The following LRRC7 variants were observed in gnomAD, a reference collection of about 807,000 sequenced individuals.
The protein encoded by LRRC7 is leucine rich repeat containing 7, also known as leucine-rich repeat-containing protein 7.
A neutral mutation model predicts 175.7 loss-of-function variants in LRRC7; 23 were observed. The ratio of observed to expected loss-of-function variants is 0.13; its 90% CI spans 0.09 to 0.19. LRRC7 has a LOEUF of 0.19. Among genes scored for constraint, LRRC7 ranks in the 10% least tolerant of loss-of-function variants. The pLI, the probability that LRRC7 is intolerant of heterozygous loss-of-function variation, is 1.00. For synonymous variants in LRRC7, 685 were observed against 680.9 expected (o/e 1.01, Z -0.09); for missense variants, 1,354 against 1,904.7 (o/e 0.71, Z 5.38).
At chr1:69,836,336 G>A (rs1247564570) in intron 6 of LRRC7, among the ~76,000 whole-genome samples, 2 of 151,988 alleles carry the variant, frequency 1.3e-5, no homozygotes, top group Non-Finnish European at 2.9e-5. Context: ...GAATGAATTG[G>A]CATTTCATCA....
At chr1:70,096,071 G>A (rs1449676831) in intron 25 of LRRC7, among the ~76,000 whole-genome samples, 3 of 151,660 alleles carry the variant, frequency 2.0e-5, no homozygotes, top group African/African-American at 4.8e-5. Context: ...TCTGCCTCCC[G>A]GGTTCAAGCG....
At chr1:69,783,560 C>A (rs1216378696) in intron 3 of LRRC7, among the ~76,000 whole-genome samples, 3 of 151,848 alleles carry the variant, frequency 2.0e-5, no homozygotes, top group African/African-American at 4.8e-5. Flanking sequence ...AGTTCAAGAG[C>A]AGCAACATGG....
In LRRC7 at chr1:70,038,597, C is replaced by T. The variant is rs768795497; in HGVS notation, c.2773C>T (p.Pro925Ser). 3.1e-6 allele frequency: 5 copies of T among 1,614,122 alleles called. No individual in the cohort carries two copies. The Admixed American group carries it at 8.3e-5, about 27-fold the overall frequency. ...AAAGGAATCTACTGAAATACCTAGT[C>T]CTTTTTCTCCAGGCGTACCATGGGA... is the stretch of plus-strand genomic sequence containing the variant. ...HIKESTEIPS[P>S]FSPGVPWEYH... Residue 925 changes from proline (P) to serine (S), a missense_variant, in exon 21 of 27, where the codon CCT (proline) becomes TCT (serine). Transcript: ENST00000651989.
rs527263674 is a variant in LRRC7, at chr1:69,673,063, C to A, written c.3-5318C>A. Among the ~76,000 whole-genome samples the A allele has an allele frequency of 3.9e-5, 6 of 152,326 alleles. No homozygotes were observed. In the East Asian group the frequency reaches 9.7e-4, roughly 25 times the overall value. ...GAATTCAATGGACTTGTCTTCCCTA[C>A]AATTCCAAGTATATATTTTTTATTT... On this transcript the variant is annotated intron_variant, in intron 1 of 26. Transcript: ENST00000651989.
At chr1:69,869,737 A>G (rs1185571988) in intron 7 of LRRC7, among the ~76,000 whole-genome samples, 1 of 152,172 alleles carries the variant, frequency 6.6e-6, no homozygotes, top group Non-Finnish European at 1.5e-5. Flanking sequence ...AGAGTCCAAG[A>G]GAGTAGAGAG....
chr1:70,047,681 C>T (rs2102050881), intron 22 of LRRC7, among the ~76,000 whole-genome samples: 1 of 151,922 alleles, frequency 6.6e-6, no homozygotes, highest in South Asian at 2.1e-4. Flanking sequence ...TATTACATGT[C>T]AGATCAAGTA....
chr1:69,665,645 G>A (rs568873024), intron 1 of LRRC7, among the ~76,000 whole-genome samples: 1 of 151,540 alleles, frequency 6.6e-6, no homozygotes, highest in South Asian at 2.1e-4. Flanking sequence ...GCATATAGAG[G>A]ATACTACTGA....
intron 26 of LRRC7, 134 bp downstream of exon 26, chr1:70,107,960 T>C: frequency 6.3e-6 from 5 of 799,122 alleles, no homozygotes; most frequent in Non-Finnish European, 1.0e-5. Context: ...TTTATTATTT[T>C]GGGGCTGAAA....
chr1:70,037,315 T>C (rs989414543), intron 20 of LRRC7, among the ~76,000 whole-genome samples: 1 of 152,234 alleles, frequency 6.6e-6, no homozygotes, highest in Admixed American at 6.5e-5. Flanking sequence ...GTTGGCAATG[T>C]CTTCTTTAGT....
chr1:69,760,165 T>C, intron 2 of LRRC7, 26 bp from the exon 3 acceptor site: 8 of 1,609,198 alleles, frequency 5.0e-6, no homozygotes, highest in Non-Finnish European at 6.8e-6. Context: ...GCTGTTTTGT[T>C]TTGTTTTGTT....
chr1:69,940,822 A>G (rs1258489852), intron 8 of LRRC7, among the ~76,000 whole-genome samples: 2 of 152,152 alleles, frequency 1.3e-5, no homozygotes, highest in Non-Finnish European at 2.9e-5. Flanking sequence ...ATATGCTGAA[A>G]TGGAAATATC....
chr1:69,915,654 G>T (rs111688465), intron 7 of LRRC7, among the ~76,000 whole-genome samples: 2,887 of 152,090 alleles, frequency 0.019, 45 homozygotes, highest in Non-Finnish European at 0.029. Flanking sequence ...TTGCCAAAAT[G>T]TACTGGCCAT....
At chr1:69,782,445 C>T (rs1038825305) in intron 3 of LRRC7, among the ~76,000 whole-genome samples, 4 of 152,166 alleles carry the variant, frequency 2.6e-5, no homozygotes, top group African/African-American at 9.7e-5. Context: ...GGAACTTGAA[C>T]AACAGAGTAG....
chr1:70,086,750 ATAAAT>A (rs1238474722), intron 24 of LRRC7, among the ~76,000 whole-genome samples: 1 of 152,204 alleles, frequency 6.6e-6, no homozygotes, highest in Non-Finnish European at 1.5e-5. Flanking sequence ...AAAATAAAAA[ATAAAT>A]TAAAAGAAAA....
chr1:69,772,652 G>A (rs1477795288), intron 3 of LRRC7, among the ~76,000 whole-genome samples: 3 of 152,182 alleles, frequency 2.0e-5, no homozygotes, highest in South Asian at 2.1e-4. Context: ...TGAGAGGTTG[G>A]TGGCTTCAAC....
intron 15 of LRRC7, 146 bp from the exon 16 acceptor site, chr1:70,020,858 TC>T (rs1380897907): frequency 7.3e-6 from 4 of 550,372 alleles, no homozygotes; most frequent in Non-Finnish European, 1.1e-5. Context: ...CTTTTCTCTT[TC>T]CTTCTTTCTC....
intron 4 of LRRC7, among the ~76,000 whole-genome samples, chr1:69,801,981 C>T (rs77676758): frequency 0.15 from 22,900 of 150,862 alleles, 2,227 homozygotes; most frequent in East Asian, 0.5. Flanking sequence ...ATTGACCAAA[C>T]ATTGTTCAGG....
chr1:69,811,878 C>A (rs1006158831), intron 4 of LRRC7, among the ~76,000 whole-genome samples: 1 of 130,016 alleles, frequency 7.7e-6, no homozygotes, highest in African/African-American at 2.5e-5. Flanking sequence ...ATGTAACAAA[C>A]CTGCACATTC....
In LRRC7 at chr1:70,038,716, C is replaced by T. The variant is rs568478098; in HGVS notation, c.2892C>T (p.Ser964=). 3.7e-6 allele frequency: 6 copies of T among 1,614,062 alleles called. No individual in the cohort carries two copies. The Admixed American group carries it at 5.0e-5, about 13-fold the overall frequency. Residue 964 remains serine, a synonymous_variant, in exon 21 of 27, where the codon AGC becomes AGT. Coordinates refer to ENST00000651989, the MANE Select transcript of LRRC7 (RefSeq NM_001370785.2). ...CTTCTAAAGGTGTTATTTCAATTAG[C>T]AAAAGCACAGAGAGGCTTTCCCCCC... The part of the protein sequence containing the change: ...PESSKGVISI[S]KSTERLSPLM...
Sources: gnomAD v4.1 joint callset for allele counts (sites outside exome capture counted in the v4.1 genomes callset) on GRCh38, gnomAD v4.1.1 for gene constraint, MANE v1.5 for transcripts, NCBI Gene and HGNC (gene_info 2026-07-23, HGNC 2026-07-21) for gene names.